The following PTPRD variants were observed in gnomAD, a reference collection of about 807,000 sequenced individuals.
PTPRD encodes the protein receptor-type tyrosine-protein phosphatase delta.
In PTPRD, 34 loss-of-function variants were observed where a neutral mutation model predicts 214.5. That is an observed-to-expected ratio of 0.16 (90% CI 0.12 to 0.21). The LOEUF is 0.21. PTPRD is among the 10% of genes least tolerant of loss of function. The pLI is 1.00. For synonymous variants in PTPRD, 1,128 were observed against 845.7 expected, an observed-to-expected ratio of 1.33 and a Z score of -5.79; for missense variants, 2,545 against 2,398.7, an observed-to-expected ratio of 1.06 and a Z score of -1.27.
At chr9:9,378,131 C>A (rs1187220638) in intron 9 of PTPRD, among the ~76,000 whole-genome samples, 1 of 152,062 alleles carries the variant, frequency 6.6e-6, no homozygotes, top group Non-Finnish European at 1.5e-5. Context: ...GTGTTATACA[C>A]TTTATGGATG....
intron 11 of PTPRD, among the ~76,000 whole-genome samples, chr9:8,939,592 T>C (rs2099018797): frequency 1.5e-5 from 2 of 137,226 alleles, no homozygotes; most frequent in Admixed American, 1.5e-4. Context: ...CACACACACA[T>C]CAGCTTATTT....
At chr9:10,482,217 A>G (rs2099103708) in intron 2 of PTPRD, among the ~76,000 whole-genome samples, 1 of 151,722 alleles carries the variant, frequency 6.6e-6, no homozygotes, top group Admixed American at 6.6e-5. Context: ...TAAAAATACA[A>G]AAAATTAGCC....
chr9:8,331,853 G>T (rs1253533913), intron 43 of PTPRD, 117 bp from the exon 44 acceptor site: 1 of 1,242,746 alleles, frequency 8.0e-7, no homozygotes, highest in African/African-American at 1.5e-5. Flanking sequence ...GGTAGAAAAA[G>T]TTAGGAACAT....
chr9:9,411,350 T>G (rs1346443873), intron 8 of PTPRD, among the ~76,000 whole-genome samples: 1 of 149,536 alleles, frequency 6.7e-6, no homozygotes, highest in Non-Finnish European at 1.5e-5. Flanking sequence ...ACCACCCAAA[T>G]ATAAAATAAA....
chr9:8,566,877 C>T (rs2089450385), intron 14 of PTPRD, among the ~76,000 whole-genome samples: 1 of 152,118 alleles, frequency 6.6e-6, no homozygotes, highest in Non-Finnish European at 1.5e-5. Flanking sequence ...CTGGACACTG[C>T]CTTGGGTAGA....
At chr9:8,385,489 G>C (rs960353535) in intron 37 of PTPRD, among the ~76,000 whole-genome samples, 7 of 152,128 alleles carry the variant, frequency 4.6e-5, no homozygotes, top group Non-Finnish European at 8.8e-5. Context: ...ACTGCAGCCT[G>C]GACAACAGAG....
chr9:9,429,371 T>G (rs983486651), intron 8 of PTPRD, among the ~76,000 whole-genome samples: 2 of 152,168 alleles, frequency 1.3e-5, no homozygotes, highest in African/African-American at 4.8e-5. Flanking sequence ...AATTCCTGAA[T>G]AGACCAATAG....
intron 11 of PTPRD, among the ~76,000 whole-genome samples, chr9:8,767,036 G>C (rs1325409915): frequency 6.6e-6 from 1 of 152,166 alleles, no homozygotes; most frequent in Non-Finnish European, 1.5e-5. Context: ...AAGAAAAAGA[G>C]AAATAGATAA....
chr9:9,057,173 T>C (rs185401206), intron 10 of PTPRD, among the ~76,000 whole-genome samples: 316 of 152,260 alleles, frequency 2.1e-3, no homozygotes, highest in African/African-American at 7.0e-3. Flanking sequence ...TTCTCTAATA[T>C]ATAAAGATTA....
rs141414181 is a variant in PTPRD at position 9,684,788 on chromosome 9, C to T, written c.-287+49745G>A. Among the ~76,000 whole-genome samples the T allele has an allele frequency of 5.5e-3, 828 of 151,360 alleles. 5 individuals carry two copies. The highest frequency in any genetic ancestry group is 7.5e-3 in the Non-Finnish European group (509 of 67,664). On this transcript the variant is annotated intron_variant, in intron 7 of 45. Transcript: ENST00000381196. ...CTAATTCAGGCATTCCAGAAGTTTG[C>T]GGTCTTTAGAGCAGTGCAAATGAAT...
intron 3 of PTPRD, among the ~76,000 whole-genome samples, chr9:10,177,396 T>C (rs76089491): frequency 0.024 from 3,655 of 151,028 alleles, 108 homozygotes; most frequent in African/African-American, 0.061. Context: ...TGGCATTGTA[T>C]GCTAGAATAA....
At chr9:8,354,403 TA>T (rs1349676077) in intron 39 of PTPRD, among the ~76,000 whole-genome samples, 3 of 152,186 alleles carry the variant, frequency 2.0e-5, no homozygotes, top group Non-Finnish European at 4.4e-5. Flanking sequence ...TTTCATGAAA[TA>T]ACACCAATAC....
chr9:9,107,725 C>T (rs2099800665), intron 10 of PTPRD, among the ~76,000 whole-genome samples: 1 of 152,140 alleles, frequency 6.6e-6, no homozygotes, highest in Non-Finnish European at 1.5e-5. Flanking sequence ...TTACAGTGAT[C>T]AGGCCATTTG....
chr9:8,932,731 C>T (rs1443555370), intron 11 of PTPRD, among the ~76,000 whole-genome samples: 4 of 152,120 alleles, frequency 2.6e-5, no homozygotes, highest in South Asian at 2.1e-4. Context: ...CCACTAAGCT[C>T]GAGCATCCCA....
At chr9:8,773,570 C>G (rs545058371) in intron 11 of PTPRD, among the ~76,000 whole-genome samples, 9 of 152,154 alleles carry the variant, frequency 5.9e-5, no homozygotes, top group Non-Finnish European at 1.2e-4. Context: ...GGTCCCTATC[C>G]TACTTGCTCA....
intron 2 of PTPRD, among the ~76,000 whole-genome samples, chr9:10,556,469 T>C (rs2062623785): frequency 6.6e-6 from 1 of 152,092 alleles, no homozygotes; most frequent in African/African-American, 2.4e-5. Context: ...TTACTAACAT[T>C]CCTATTTAAA....
At chr9:9,132,154 C>T (rs1038493504) in intron 10 of PTPRD, among the ~76,000 whole-genome samples, 4 of 152,080 alleles carry the variant, frequency 2.6e-5, no homozygotes, top group Non-Finnish European at 4.4e-5. Context: ...GCTACAGGCG[C>T]CCGCCACCAT....
chr9:9,401,666 C>G (rs574205565), intron 8 of PTPRD, among the ~76,000 whole-genome samples: 2 of 151,312 alleles, frequency 1.3e-5, no homozygotes, highest in Non-Finnish European at 2.9e-5. Context: ...GGTTTTTCTA[C>G]GTACCCACCG....
chr9:8,358,867 G>T (rs1016415539), intron 39 of PTPRD, among the ~76,000 whole-genome samples: 2 of 151,618 alleles, frequency 1.3e-5, no homozygotes, highest in Non-Finnish European at 2.9e-5. Flanking sequence ...CAGCACTTTG[G>T]GAGGCCGAGG....
Sources: allele counts gnomAD v4.1 joint callset (sites outside exome capture counted in the v4.1 genomes callset), GRCh38; gene constraint gnomAD v4.1.1; transcripts MANE v1.5; gene names NCBI Gene and HGNC (gene_info 2026-07-23, HGNC 2026-07-21).